Variants in ELAVL4 observed in about 807,000 individuals in gnomAD.
ELAVL4 encodes the protein ELAV like RNA binding protein 4.
In ELAVL4, 1 loss-of-function variant was observed where a neutral mutation model predicts 35.6. The observed-to-expected ratio is 0.03, with a 90% confidence interval of 0.01 to 0.13. The LOEUF is 0.13. ELAVL4 is among the 10% of genes least tolerant of loss of function. The pLI is 1.00. For synonymous variants in ELAVL4, 156 were observed against 171.0 expected (o/e 0.91, Z 0.69); for missense variants, 267 against 464.9 (o/e 0.57, Z 3.91).
intron 2 of ELAVL4, among the ~76,000 whole-genome samples, chr1:50,158,126 T>C (rs180985494): frequency 1.3e-5 from 2 of 152,324 alleles, no homozygotes; most frequent in Non-Finnish European, 2.9e-5. Context: ...GATAGGATTA[T>C]TGTGAACATT....
At chr1:50,175,982 G>A (rs1378552932) in intron 2 of ELAVL4, 2 of 152,194 alleles carry the variant, frequency 1.3e-5, no homozygotes, top group Non-Finnish European at 2.9e-5. Context: ...AACATTGCTT[G>A]GGAAGTTCAG....
At chr1:50,163,731 C>G (rs1677221633) in intron 2 of ELAVL4, among the ~76,000 whole-genome samples, 1 of 152,148 alleles carries the variant, frequency 6.6e-6, no homozygotes, top group African/African-American at 2.4e-5. Flanking sequence ...GAGGCTAAGG[C>G]ATGAGAATTG....
At chr1:50,131,658 C>T (rs780188410) in intron 1 of ELAVL4, among the ~76,000 whole-genome samples, 3 of 151,812 alleles carry the variant, frequency 2.0e-5, no homozygotes, top group Non-Finnish European at 4.4e-5. Context: ...GGCTTGGTGG[C>T]GCATGCCTGT....
chr1:50,158,722 G>A (rs1676192334), intron 2 of ELAVL4, among the ~76,000 whole-genome samples: 2 of 152,138 alleles, frequency 1.3e-5, no homozygotes, highest in Non-Finnish European at 1.5e-5. Context: ...ATCATAGACT[G>A]TCACAGTGAA....
At chr1:50,100,851 AGTT>A (rs372028325), upstream of ELAVL4, among the ~76,000 whole-genome samples, 3 of 152,168 alleles carry the variant, frequency 2.0e-5, no homozygotes, top group African/African-American at 7.2e-5. Context: ...GTTATTCTCT[AGTT>A]GTTTTGAGAG....
At chr1:50,193,941 C>A in intron 4 of ELAVL4, 23 bp downstream of exon 4, 3 of 1,612,406 alleles carry the variant, frequency 1.9e-6, no homozygotes, top group Non-Finnish European at 2.5e-6. Flanking sequence ...TTTGTAATTT[C>A]TTTCCTTGTA....
chr1:50,185,361 A>AC (rs1036621500), intron 3 of ELAVL4, among the ~76,000 whole-genome samples: 62 of 152,172 alleles, frequency 4.1e-4, no homozygotes, highest in African/African-American at 1.4e-3. Flanking sequence ...CTGCAAAATG[A>AC]TTTTTTCCAG....
At chr1:50,132,673 C>A (rs1052123399) in intron 1 of ELAVL4, among the ~76,000 whole-genome samples, 4 of 152,124 alleles carry the variant, frequency 2.6e-5, no homozygotes, top group Non-Finnish European at 5.9e-5. Flanking sequence ...TAGGAACAAA[C>A]AGAGTGTGTC....
chr1:50,133,651 G>GAA lies in ELAVL4; in HGVS notation c.10-11305_10-11304insAA, dbSNP rs1386510703. Among the ~76,000 whole-genome samples the GAA allele has an allele frequency of 6.5e-3, 597 of 91,756 alleles. 4 individuals carry two copies. The highest frequency in any genetic ancestry group is 0.023 in the East Asian group (65 of 2,772). 60.2% of individuals were successfully genotyped at this position (91,756 alleles called of 152,430 possible). On this transcript the variant is annotated intron_variant, in intron 1 of 6. Coordinates refer to ENST00000371824, the MANE Select transcript of ELAVL4 (RefSeq NM_001144774.3). Reference sequence around the variant, plus strand: ...AGAAAGAAAGAAAGAAAGAAAGAAAGAGAAAGAAAGAAAGAAAGAAAGAAG... The same window carrying GAA: ...AGAAAGAAAGAAAGAAAGAAAGAAAGAAAGAAAGAAAGAAAGAAAGAAAGAAG...
intron 1 of ELAVL4, among the ~76,000 whole-genome samples, chr1:50,073,063 G>A (rs2148488757): frequency 6.6e-6 from 1 of 152,318 alleles, no homozygotes; most frequent in Non-Finnish European, 1.5e-5. Flanking sequence ...ATGCCCTAAT[G>A]TACCATGAGT....
Position 50,109,015 on chromosome 1 carries a change from T to TCGGGGGGCC in ELAVL4, c.-174_-173insGGGGGGCCC. The TCGGGGGGCC allele has an allele frequency of 4.2e-6, 4 of 961,050 alleles. No homozygotes were observed. Among genetic ancestry groups the TCGGGGGGCC allele is most frequent in the Non-Finnish European group, 4.9e-6 (4 of 816,934 alleles). The allele number at this position is 961,050 out of a possible 1,614,324, so 59.5% of individuals were successfully genotyped here. A position where few individuals can be genotyped will look rare whatever the true frequency, so the allele number is the denominator to read the frequency against. ...GCTCCTTTTCTTTTTTTTCTTTCTC[T>TCGGGGGGCC]CCCCCGCCCACCCCCCCAAAAATAA... is the stretch of plus-strand genomic sequence containing the variant. On this transcript the variant is annotated 5_prime_UTR_variant, in exon 1 of 7. Coordinates refer to ENST00000371824, the MANE Select transcript of ELAVL4 (RefSeq NM_001144774.3).
At position 50,195,725 on chromosome 1, in the gene ELAVL4, C is replaced by G. The variant is rs144250728; in HGVS notation, c.673C>G (p.Leu225Val). The G allele has an allele frequency of 3.1e-6, 5 of 1,614,178 alleles. No homozygotes were observed. Among genetic ancestry groups the G allele is most frequent in the East Asian group, 4.5e-5 (2 of 44,868 alleles). The change falls in exon 5 of 7, where the codon CTC becomes GTC. Residue 225 changes from leucine (L) to valine (V), a missense_variant. Leu to Val is a conservative substitution (Grantham distance 32). Coordinates refer to ENST00000371824, the MANE Select transcript of ELAVL4 (RefSeq NM_001144774.3). Reference protein sequence around the residue: ...QKSSQALLSQLYQSPNRRYPG... With the variant: ...QKSSQALLSQVYQSPNRRYPG... ...GTCCAGCCAGGCCCTGCTCTCCCAG[C>G]TCTACCAGTCCCCCAACCGGCGCTA...
rs570019801 is a variant in ELAVL4, at chr1:50,086,006, G to A, written c.18+37824G>A. On this transcript the variant is annotated intron_variant, in intron 1 of 6. Transcript: ENST00000448907. ...TTTGGGGTAACTGTTCATGTGTTTT[G>A]TCTGAGTCTGTATTGTGTTTTGTAA... Among the ~76,000 whole-genome samples, 70 of 152,234 alleles carry A rather than the reference G, an allele frequency of 4.6e-4. 3 individuals carry two copies. In the South Asian group the frequency reaches 0.011, roughly 23 times the overall value.
At chr1:50,185,725 G>C (rs1007737606) in intron 3 of ELAVL4, among the ~76,000 whole-genome samples, 1 of 152,154 alleles carries the variant, frequency 6.6e-6, no homozygotes, top group Non-Finnish European at 1.5e-5. Flanking sequence ...CATGAGGAGA[G>C]GGGGGGACTT....
intron 2 of ELAVL4, among the ~76,000 whole-genome samples, chr1:50,165,771 T>TATGTGTATAC (rs55982279): frequency 6.7e-6 from 1 of 149,540 alleles, no homozygotes; most frequent in East Asian, 2.0e-4. Flanking sequence ...TGTGTGTATA[T>TATGTGTATAC]GTGTGTATAT....
At position 50,195,743 on chromosome 1, in the gene ELAVL4, C is replaced by T. The variant is rs763451875; in HGVS notation, c.691C>T (p.Arg231Trp). The T allele has an allele frequency of 4.3e-6, 7 of 1,614,040 alleles. No individual in the cohort carries two copies. Among genetic ancestry groups the T allele is most frequent in the Admixed American group, 1.7e-5 (1 of 60,008 alleles). Reference sequence around the variant, plus strand: ...CTCCCAGCTCTACCAGTCCCCCAACCGGCGCTACCCAGGTCCACTTCACCA... The same window carrying T: ...CTCCCAGCTCTACCAGTCCCCCAACTGGCGCTACCCAGGTCCACTTCACCA... Reference protein sequence around the residue: ...LLSQLYQSPNRRYPGPLHHQA... With the variant: ...LLSQLYQSPNWRYPGPLHHQA... Residue 231 changes from arginine (R) to tryptophan (W), a missense_variant, in exon 5 of 7, where the codon CGG becomes TGG. Arg to Trp is a moderately radical substitution (Grantham distance 101). Transcript: ENST00000371824.
chr1:50,066,816 G>A (rs2148483326), intron 1 of ELAVL4, among the ~76,000 whole-genome samples: 1 of 152,106 alleles, frequency 6.6e-6, no homozygotes, highest in East Asian at 1.9e-4. Flanking sequence ...CAGTAGGTAG[G>A]GTCCTGAATG....
intron 2 of ELAVL4, among the ~76,000 whole-genome samples, chr1:50,165,768 A>ATATATGTG (rs1289912430): frequency 1.3e-5 from 2 of 149,314 alleles, no homozygotes; most frequent in Non-Finnish European, 3.0e-5. Context: ...ATATGTGTGT[A>ATATATGTG]TATGTGTGTA....
At chr1:50,169,065 T>C (rs1678518289) in intron 2 of ELAVL4, among the ~76,000 whole-genome samples, 1 of 151,768 alleles carries the variant, frequency 6.6e-6, no homozygotes, top group African/African-American at 2.4e-5. Flanking sequence ...GTCTGAAAGC[T>C]GAGGAGCAAG....
Sources: gnomAD v4.1 joint callset for allele counts (sites outside exome capture counted in the v4.1 genomes callset) on GRCh38, gnomAD v4.1.1 for gene constraint, MANE v1.5 for transcripts, NCBI Gene and HGNC (gene_info 2026-07-23, HGNC 2026-07-21) for gene names.